SEMA4B: variants seen among roughly 807,000 people sequenced by gnomAD.
The protein encoded by SEMA4B is semaphorin 4B, also known as semaphorin-4B.
Under a neutral mutation model 88.1 loss-of-function variants are expected in SEMA4B, and 55 were observed. That is an observed-to-expected ratio of 0.62 (90% confidence interval 0.50 to 0.78). The LOEUF is 0.78. Ranked by LOEUF, SEMA4B falls within the 30% of genes least tolerant of loss-of-function variation. The pLI is 0.00. For missense variants in SEMA4B, 1,062 were observed against 1,111.9 expected, an observed-to-expected ratio of 0.96 and a Z score of 0.64; for synonymous variants, 525 against 473.6, an observed-to-expected ratio of 1.11 and a Z score of -1.41.
intron 12 of SEMA4B, among the ~76,000 whole-genome samples, chr15:90,226,351 A>G (rs548412330): frequency 6.6e-6 from 1 of 151,962 alleles, no homozygotes; most frequent in Non-Finnish European, 1.5e-5. Context: ...ATTTCATTTC[A>G]TTTATCTTGT....
At chr15:90,225,233 T>C (rs1262786064) in intron 10 of SEMA4B, 49 bp from the exon 11 acceptor site, 2 of 1,554,732 alleles carry the variant, frequency 1.3e-6, no homozygotes, top group East Asian at 4.9e-5. Context: ...GGCTGGTGGG[T>C]CATGGGCAGT....
rs150569383 is a variant in SEMA4B at position 90,221,017 on chromosome 15, G to C, written c.519G>C (p.Lys173Asn). 6,111 of 1,610,804 alleles carry C rather than the reference G, an allele frequency of 3.8e-3. 20 individuals carry two copies. The highest frequency in any genetic ancestry group is 4.4e-3 in the Non-Finnish European group (5,216 of 1,178,578). The change falls in exon 5 of 14, where the codon AAG becomes AAC. Residue 173 changes from lysine (K) to asparagine (N), a missense_variant. By Grantham distance (94) the Lys-to-Asn change is moderately conservative. Coordinates refer to ENST00000411539, the MANE Select transcript of SEMA4B (RefSeq NM_198925.4). ...ACTTCACCCTGGCAAGGGACGAGAA[G>C]GGGAATGTCCTCCTGGAAGATGGCA... ...MENFTLARDE[K>N]GNVLLEDGKG...
At chr15:90,216,983 C>T (rs1961561249) in intron 1 of SEMA4B, 1 of 153,680 alleles carries the variant, frequency 6.5e-6, no homozygotes, top group South Asian at 2.1e-4. Flanking sequence ...ATTTTCCTTT[C>T]TTAATATTCT....
In SEMA4B at chr15:90,201,380, G is replaced by A. The variant is rs1960711641; in HGVS notation, c.-199G>A. 1 of 1,256,330 alleles carries A rather than the reference G, an allele frequency of 8.0e-7. No individual in the cohort carries two copies. The highest frequency in any genetic ancestry group is 1.6e-5 in the African/African-American group (1 of 63,940). 77.8% of individuals were successfully genotyped at this position (1,256,330 alleles called of 1,614,324 possible). ...CGAGGCTGCGGGGCCGGCGCCGGCG[G>A]GAGGACTGCGGTGCCCCGCGGAGGG... is the stretch of plus-strand genomic sequence containing the variant. On this transcript the variant is annotated 5_prime_UTR_variant, in exon 1 of 14. Transcript: ENST00000411539.
At chr15:90,227,872 AC>A in intron 13 of SEMA4B, 31 bp from the exon 14 acceptor site, 2 of 1,604,974 alleles carry the variant, frequency 1.2e-6, no homozygotes, top group African/African-American at 1.3e-5. Context: ...GGACGCTGGC[AC>A]CCCCCTACCC....
intron 4 of SEMA4B, 65 bp downstream of exon 4, chr15:90,219,956 C>G: frequency 5.4e-6 from 7 of 1,288,184 alleles, no homozygotes; most frequent in Non-Finnish European, 7.7e-6. Context: ...CCCCAGGGAT[C>G]CTGTTCTGTA....
intron 5 of SEMA4B, 31 bp from the exon 6 acceptor site, chr15:90,221,336 G>C: frequency 6.7e-7 from 1 of 1,489,926 alleles, no homozygotes; most frequent in South Asian, 1.2e-5. Flanking sequence ...GTGCTGAGGA[G>C]CCCATTCCCA....
chr15:90,206,697 A>G, intron 1 of SEMA4B: 1 of 723,058 alleles, frequency 1.4e-6, no homozygotes, highest in South Asian at 1.5e-5. Flanking sequence ...AAAGCCTTAG[A>G]CAAGCGCCAA....
intron 1 of SEMA4B, among the ~76,000 whole-genome samples, chr15:90,210,812 C>T (rs1447843445): frequency 6.6e-6 from 1 of 151,988 alleles, no homozygotes; most frequent in Non-Finnish European, 1.5e-5. Context: ...CACTGCTGAA[C>T]GTGGGGCTGG....
intron 1 of SEMA4B, among the ~76,000 whole-genome samples, chr15:90,189,137 AAAG>A (rs1236660765): frequency 6.6e-6 from 1 of 151,922 alleles, no homozygotes; most frequent in Non-Finnish European, 1.5e-5. Context: ...GGAGGAAGGA[AAAG>A]GAGGAAGTGA....
intron 1 of SEMA4B, among the ~76,000 whole-genome samples, chr15:90,213,566 C>T (rs912661503): frequency 1.3e-5 from 2 of 152,220 alleles, no homozygotes; most frequent in Non-Finnish European, 2.9e-5. Flanking sequence ...CTGTAGTGCC[C>T]GAGGCAGGTT....
Position 90,223,546 on chromosome 15 carries a change from A to T in SEMA4B, c.862-13A>T. The T allele has an allele frequency of 3.2e-6, 5 of 1,562,766 alleles. No individual in the cohort carries two copies. The highest frequency in any genetic ancestry group is 4.3e-6 in the Non-Finnish European group (5 of 1,151,746). ...CATGTGCCTAAGCCCAGCCCATCCG[A>T]CTCTCCCTCCAGGGCGATGAGGGTG... On this transcript the variant is annotated splice_polypyrimidine_tract_variant and intron_variant, in intron 7 of 13. Transcript: ENST00000411539.
chr15:90,194,371 A>G (rs1454354969), intron 1 of SEMA4B, among the ~76,000 whole-genome samples: 2 of 151,970 alleles, frequency 1.3e-5, no homozygotes, highest in Non-Finnish European at 2.9e-5. Flanking sequence ...CGTCTCTACT[A>G]AAAATACAAA....
chr15:90,202,531 C>A (rs1960797232), intron 1 of SEMA4B, among the ~76,000 whole-genome samples: 1 of 152,210 alleles, frequency 6.6e-6, no homozygotes, highest in Non-Finnish European at 1.5e-5. Context: ...GGTTGCTTCT[C>A]CAGCTCTTCT....
chr15:90,185,631 C>A (rs1960141577), intron 1 of SEMA4B, among the ~76,000 whole-genome samples: 3 of 152,222 alleles, frequency 2.0e-5, no homozygotes, highest in Admixed American at 2.0e-4. Context: ...GTCATCAAAT[C>A]TCTGCCCACA....
At chr15:90,200,954 A>G (rs1403579690), upstream of SEMA4B, among the ~76,000 whole-genome samples, 1 of 152,218 alleles carries the variant, frequency 6.6e-6, no homozygotes, top group Non-Finnish European at 1.5e-5. Context: ...CAGGAGCAAG[A>G]GCGGAGGGGG....
intron 1 of SEMA4B, among the ~76,000 whole-genome samples, chr15:90,209,953 A>C (rs549334668): frequency 8.5e-5 from 13 of 152,206 alleles, no homozygotes; most frequent in Non-Finnish European, 1.8e-4. Context: ...GTTTTTAGGC[A>C]GAACAGTGAC....
chr15:90,200,585 G>A (rs985108946), upstream of SEMA4B, among the ~76,000 whole-genome samples: 6 of 152,212 alleles, frequency 3.9e-5, no homozygotes, highest in East Asian at 1.2e-3. Context: ...CCGTGGAGAT[G>A]TTAGGAGCCA....
intron 9 of SEMA4B, among the ~76,000 whole-genome samples, chr15:90,224,360 A>C (rs1395499979): frequency 1.3e-5 from 2 of 152,234 alleles, no homozygotes; most frequent in African/African-American, 4.8e-5. Flanking sequence ...CTTCTAGCCT[A>C]ACGGGCTACC....
Sources: gnomAD v4.1 joint callset for allele counts (sites outside exome capture counted in the v4.1 genomes callset) on GRCh38, gnomAD v4.1.1 for gene constraint, MANE v1.5 for transcripts, NCBI Gene and HGNC (gene_info 2026-07-23, HGNC 2026-07-21) for gene names.